Variants in WWOX observed in about 807,000 individuals in gnomAD.
WWOX encodes WW domain containing oxidoreductase, also known as WW domain-containing oxidoreductase.
A neutral mutation model predicts 46.2 loss-of-function variants in WWOX; 69 were observed. The ratio of observed to expected loss-of-function variants is 1.49; its 90% CI spans 1.23 to 1.82. The LOEUF (loss-of-function observed/expected upper bound fraction) is 1.82. Ranked by LOEUF, WWOX falls within the 40% of genes most tolerant of loss-of-function variation. The pLI is 0.00. For synonymous variants in WWOX, 359 were observed against 202.6 expected, an observed-to-expected ratio of 1.77 and a Z score of -6.56; for missense variants, 919 against 542.6, an observed-to-expected ratio of 1.69 and a Z score of -6.89.
chr16:78,865,669 C>CT lies in WWOX; in HGVS notation c.1057-345939_1057-345938insT, dbSNP rs541790157. Reference sequence around the variant, plus strand: ...CTGAGGTGGGTGGATCACCTGAGGTCAGGAGTTCGACACCAGCCTGGCCAA... The same window carrying CT: ...CTGAGGTGGGTGGATCACCTGAGGTCTAGGAGTTCGACACCAGCCTGGCCAA... On this transcript the variant is annotated intron_variant, in intron 8 of 8. Coordinates refer to ENST00000566780, the MANE Select transcript of WWOX (RefSeq NM_016373.4). 2.6e-3 allele frequency among the ~76,000 whole-genome samples: 402 copies of CT among 152,232 alleles called. 4 individuals carry two copies. The highest frequency in any genetic ancestry group is 9.4e-3 in the African/African-American group (389 of 41,558).
chr16:78,118,952 C>T (rs146071981), intron 4 of WWOX: 3 of 152,242 alleles, frequency 2.0e-5, no homozygotes, highest in Non-Finnish European at 4.4e-5. Flanking sequence ...TTTGTTTAAC[C>T]AGCTTTCTGA....
intron 8 of WWOX, among the ~76,000 whole-genome samples, chr16:78,697,071 C>T (rs1300065055): frequency 6.6e-6 from 1 of 152,118 alleles, no homozygotes; most frequent in Non-Finnish European, 1.5e-5. Context: ...TGGTAGATGG[C>T]CATTTGGGCT....
At position 78,828,251 on chromosome 16, in the gene WWOX, A is replaced by T. The variant is rs111388301; in HGVS notation, c.1057-383357A>T. 3.2e-3 allele frequency among the ~76,000 whole-genome samples: 491 copies of T among 152,298 alleles called. 11 individuals are homozygous for T. The East Asian group carries it at 0.054, about 17-fold the overall frequency. ...CTGTCACAGTGGCAAAGACAATGAC[A>T]ATAAAAGCACAGCCTCCAGAGAGAA... On this transcript the variant is annotated intron_variant, in intron 8 of 8. Coordinates refer to ENST00000566780, the MANE Select transcript of WWOX (RefSeq NM_016373.4).
At chr16:78,405,940 A>G (rs2082519998) in intron 6 of WWOX, among the ~76,000 whole-genome samples, 1 of 152,102 alleles carries the variant, frequency 6.6e-6, no homozygotes, top group African/African-American at 2.4e-5. Context: ...TGACATGCTA[A>G]AATTGCACTA....
Position 78,259,613 on chromosome 16 carries a change from C to T in WWOX, c.516+95324C>T, listed in dbSNP as rs868680527. On this transcript the variant is annotated intron_variant, in intron 5 of 8. Coordinates refer to ENST00000566780, the MANE Select transcript of WWOX (RefSeq NM_016373.4). Reference sequence around the variant, plus strand: ...GATTACAGGCATGAGCCACCATGTTCGACCCCATTTTTATAAATGTAAAAT... The same window carrying T: ...GATTACAGGCATGAGCCACCATGTTTGACCCCATTTTTATAAATGTAAAAT... 2.6e-5 allele frequency among the ~76,000 whole-genome samples: 4 copies of T among 151,506 alleles called. No homozygotes were observed. The East Asian group carries it at 5.8e-4, about 22-fold the overall frequency.
chr16:78,922,083 A>G (rs949361425), intron 8 of WWOX, among the ~76,000 whole-genome samples: 1 of 152,160 alleles, frequency 6.6e-6, no homozygotes, highest in Non-Finnish European at 1.5e-5. Flanking sequence ...AGACAGAGAA[A>G]CTCACCTGAG....
Position 79,139,917 on chromosome 16 carries a change from G to C in WWOX, c.1057-71691G>C, listed in dbSNP as rs200531546. The stretch of plus-strand genomic sequence containing the variant: ...CCATAAACTATTTGAAAGAAGCAAA[G>C]TTGTAATTCTCCAAATACGGACTTG... On this transcript the variant is annotated intron_variant, in intron 8 of 8. Transcript: ENST00000566780. Among the ~76,000 whole-genome samples, 20 of 152,334 alleles carry C rather than the reference G, an allele frequency of 1.3e-4. No individual in the cohort carries two copies. The East Asian group carries it at 2.9e-3, about 22-fold the overall frequency.
chr16:79,174,977 A>G (rs2050771827), intron 8 of WWOX, among the ~76,000 whole-genome samples: 1 of 152,162 alleles, frequency 6.6e-6, no homozygotes, highest in South Asian at 2.1e-4. Context: ...TGTGTCTTAT[A>G]TCAACATGCA....
chr16:78,103,508 G>C (rs889107433), intron 1 of WWOX, among the ~76,000 whole-genome samples: 1 of 152,062 alleles, frequency 6.6e-6, no homozygotes, highest in Non-Finnish European at 1.5e-5. Context: ...CTCTGGATCA[G>C]GGTTGAAAGG....
At chr16:79,020,863 A>G (rs912268054) in intron 8 of WWOX, among the ~76,000 whole-genome samples, 7 of 152,224 alleles carry the variant, frequency 4.6e-5, no homozygotes, top group Non-Finnish European at 1.0e-4. Flanking sequence ...CCACAAAAGT[A>G]TAAAAAGCAG....
chr16:79,173,941 C>A (rs891855652), intron 8 of WWOX, among the ~76,000 whole-genome samples: 1 of 152,162 alleles, frequency 6.6e-6, no homozygotes, highest in Non-Finnish European at 1.5e-5. Context: ...ATGTGTTGCA[C>A]AGCCTTTAGA....
chr16:78,821,578 A>C (rs1252404279), intron 8 of WWOX, among the ~76,000 whole-genome samples: 1 of 152,218 alleles, frequency 6.6e-6, no homozygotes, highest in Non-Finnish European at 1.5e-5. Context: ...TCAAGCTCAG[A>C]TGACCTGTGG....
intron 8 of WWOX, among the ~76,000 whole-genome samples, chr16:78,969,794 A>T (rs1159314257): frequency 6.6e-6 from 1 of 152,184 alleles, no homozygotes. Context: ...TACCCCAAAG[A>T]GGCAAATCTG....
chr16:79,076,699 C>T (rs12149527), intron 8 of WWOX, among the ~76,000 whole-genome samples: 54,961 of 152,112 alleles, frequency 0.36, 11,741 homozygotes, highest in Middle Eastern at 0.49. Context: ...TCGTCTTTAG[C>T]CCCCCACTTA....
At chr16:78,320,246 TA>T (rs904917467) in intron 5 of WWOX, among the ~76,000 whole-genome samples, 3 of 152,218 alleles carry the variant, frequency 2.0e-5, no homozygotes, top group African/African-American at 7.2e-5. Flanking sequence ...TCTGGGTTTT[TA>T]AGTGGAAGAG....
At chr16:78,155,605 A>G (rs750980116) in intron 4 of WWOX, among the ~76,000 whole-genome samples, 4 of 152,184 alleles carry the variant, frequency 2.6e-5, no homozygotes, top group Admixed American at 2.6e-4. Context: ...TCTTGGTATT[A>G]TTAGGTTTAC....
chr16:78,603,216 A>G (rs2045665248), intron 8 of WWOX, among the ~76,000 whole-genome samples: 1 of 152,050 alleles, frequency 6.6e-6, no homozygotes, highest in African/African-American at 2.4e-5. Flanking sequence ...TGCCAATATC[A>G]TTTTCATGGC....
intron 8 of WWOX, among the ~76,000 whole-genome samples, chr16:78,989,822 G>A (rs867987976): frequency 2.8e-5 from 1 of 35,448 alleles, no homozygotes; most frequent in African/African-American, 1.9e-4. Context: ...GTGTGTGAGC[G>A]TGTGTGTGTG....
Position 78,463,003 on chromosome 16 carries a change from G to A in WWOX, c.1056+30251G>A, listed in dbSNP as rs535695433. On this transcript the variant is annotated intron_variant, in intron 8 of 8. Coordinates refer to ENST00000566780, the MANE Select transcript of WWOX (RefSeq NM_016373.4). The stretch of plus-strand genomic sequence containing the variant: ...CCTCTGATCTCTCCTCTTTGCAGGC[G>A]CAGTGACATTTATGCACACTGGCTT... Among the ~76,000 whole-genome samples, 9 of 152,250 alleles carry A rather than the reference G, an allele frequency of 5.9e-5. No homozygotes were observed. In the East Asian group the frequency reaches 1.4e-3, roughly 23 times the overall value.
Sources: gnomAD v4.1 joint callset for allele counts (sites outside exome capture counted in the v4.1 genomes callset) on GRCh38, gnomAD v4.1.1 for gene constraint, MANE v1.5 for transcripts, NCBI Gene and HGNC (gene_info 2026-07-23, HGNC 2026-07-21) for gene names.